Variants in DRGX observed in about 807,000 individuals in gnomAD.
The protein encoded by DRGX is dorsal root ganglia homeobox.
A neutral mutation model predicts 28.6 loss-of-function variants in DRGX; 21 were observed. The observed-to-expected ratio is 0.73, with a 90% CI of 0.52 to 1.06. DRGX has a LOEUF of 1.06. Among genes scored for constraint, DRGX ranks in the 50% least tolerant of loss-of-function variants. The pLI, the probability that DRGX is intolerant of heterozygous loss-of-function variation, is 0.00. For missense variants in DRGX, 354 were observed against 343.9 expected, an observed-to-expected ratio of 1.03 and a Z score of -0.23; for synonymous variants, 136 against 139.1, an observed-to-expected ratio of 0.98 and a Z score of 0.16.
chr10:49,372,689 G>A (rs903658912), intron 6 of DRGX, among the ~76,000 whole-genome samples: 6 of 152,158 alleles, frequency 3.9e-5, no homozygotes, highest in Non-Finnish European at 8.8e-5. Flanking sequence ...CACGAGACCT[G>A]CAACAGTACT....
intron 6 of DRGX, among the ~76,000 whole-genome samples, chr10:49,374,260 C>T (rs1336744668): frequency 6.6e-6 from 1 of 152,180 alleles, no homozygotes; most frequent in Admixed American, 6.5e-5. Flanking sequence ...CTTCATCACC[C>T]AGTGAAGACT....
Position 49,366,336 on chromosome 10 carries a change from G to C in DRGX, c.572C>G (p.Ser191Cys). 1 of 1,613,900 alleles carries C rather than the reference G, an allele frequency of 6.2e-7. No homozygotes were observed. Residue 191 changes from serine (S) to cysteine (C), a missense_variant, in exon 7 of 7, where the codon TCC (serine) becomes TGC (cysteine). Ser to Cys is a moderately radical substitution (Grantham distance 112, BLOSUM62 -1). Coordinates refer to ENST00000374139, the MANE Select transcript of DRGX (RefSeq NM_001276451.2). ...SCCVPDPMGL[S>C]FLPTYGCQSN... is the part of the protein sequence containing the mutation. ...CTGGCAGCCATAGGTGGGAAGGAAG[G>C]AGAGTCCCATGGGGTCTGGGACGCA...
chr10:49,387,076 G>A lies in DRGX; in HGVS notation c.235-218C>T, dbSNP rs372128873. 3.3e-5 allele frequency among the ~76,000 whole-genome samples: 5 copies of A among 152,334 alleles called. 1 individual carries two copies. Among genetic ancestry groups the A allele is most frequent in the South Asian group, 2.1e-4 (1 of 4,830 alleles). ...GAATGTTAAATAATGGAAAGTATCCGAATGCCCATAGTAAGGGTAAAAGCA... is the reference window on the plus strand; with the variant it reads ...GAATGTTAAATAATGGAAAGTATCCAAATGCCCATAGTAAGGGTAAAAGCA... On this transcript the variant is annotated intron_variant, in intron 4 of 6. Transcript: ENST00000374139.
At chr10:49,385,672 C>T (rs927826594) in intron 6 of DRGX, among the ~76,000 whole-genome samples, 6 of 152,064 alleles carry the variant, frequency 3.9e-5, no homozygotes, top group Non-Finnish European at 5.9e-5. Context: ...GCAGGGGACA[C>T]CCTAAGGGTG....
At chr10:49,389,233 C>G (rs1849872511) in intron 4 of DRGX, among the ~76,000 whole-genome samples, 1 of 152,158 alleles carries the variant, frequency 6.6e-6, no homozygotes, top group Non-Finnish European at 1.5e-5. Context: ...TTACAACCCC[C>G]AATTTACTGC....
At position 49,390,225 on chromosome 10, in the gene DRGX, G is replaced by A; in HGVS notation, c.142C>T (p.Leu48Phe). 6.2e-7 allele frequency: 1 copy of A among 1,610,694 alleles called. No individual in the cohort carries two copies. The highest frequency in any genetic ancestry group is 2.2e-5 in the East Asian group (1 of 44,854). The change falls in exon 4 of 7, where the codon CTC becomes TTC. Residue 48 changes from leucine (L) to phenylalanine (F), a missense_variant. Coordinates refer to ENST00000374139, the MANE Select transcript of DRGX (RefSeq NM_001276451.2). ...TGTGTTTGGGCAAAAACGGCCTCGA[G>A]AGCTTCCAGCTGGTAAAAGGAAAAA... Reference protein sequence around the residue: ...TTFTLQQLEALEAVFAQTHYP... With the variant: ...TTFTLQQLEAFEAVFAQTHYP...
In DRGX at chr10:49,366,268, G is replaced by A. The variant is rs370735058; in HGVS notation, c.640C>T (p.Arg214Cys). ...TGCAGGACAGCTTCTGAGTGCTCGC[G>A]GGCCTTCATGCGCAGGGTGGCCACG... ...ASVATLRMKA[R>C]EHSEAVLQSA... is the part of the protein sequence containing the mutation. The change falls in exon 7 of 7, where the codon CGC becomes TGC. Residue 214 changes from arginine to cysteine, a missense_variant. Arg to Cys is a radical substitution (Grantham distance 180). Coordinates refer to ENST00000374139, the MANE Select transcript of DRGX (RefSeq NM_001276451.2). The A allele has an allele frequency of 3.0e-5, 48 of 1,613,792 alleles. 1 individual carries two copies. The highest frequency in any genetic ancestry group is 4.5e-5 in the East Asian group (2 of 44,896).
In DRGX at chr10:49,386,467, C is replaced by T; in HGVS notation, c.526+11G>A. 1 of 1,544,728 alleles carries T rather than the reference C, an allele frequency of 6.5e-7. No individual in the cohort carries two copies. Among genetic ancestry groups the T allele is most frequent in the East Asian group, 2.4e-5 (1 of 41,686 alleles). On this transcript the variant is annotated intron_variant, in intron 6 of 6. Coordinates refer to ENST00000374139, the MANE Select transcript of DRGX (RefSeq NM_001276451.2). ...GGCCACGCCCACCAGCCCAGCCGAA[C>T]CCAAACTCACCTTTGAGGGAAGCCA... is the stretch of plus-strand genomic sequence containing the variant.
Position 49,366,030 on chromosome 10 carries a change from T to C in DRGX, c.*86A>G. 6.9e-7 allele frequency: 1 copy of C among 1,449,122 alleles called. No individual in the cohort carries two copies. The highest frequency in any genetic ancestry group is 9.1e-7 in the Non-Finnish European group (1 of 1,099,442). 89.8% of individuals were successfully genotyped at this position (1,449,122 alleles called of 1,614,324 possible). On this transcript the variant is annotated 3_prime_UTR_variant, in exon 7 of 7. Coordinates refer to ENST00000374139, the MANE Select transcript of DRGX (RefSeq NM_001276451.2). ...AGGCCCTGGGGCCGCAGGCTTCTCC[T>C]TGCTATTTGGAGAGTTTTCTGTAGG...
Position 49,378,346 on chromosome 10 carries a change from C to T in DRGX, c.526+8132G>A, listed in dbSNP as rs574424272. Reference sequence around the variant, plus strand: ...CAGGTCACACACACCACATATTGCACGATTCCATTCACATGAGATGTCCAC... The same window carrying T: ...CAGGTCACACACACCACATATTGCATGATTCCATTCACATGAGATGTCCAC... On this transcript the variant is annotated intron_variant, in intron 6 of 6. Coordinates refer to ENST00000374139, the MANE Select transcript of DRGX (RefSeq NM_001276451.2). Among the ~76,000 whole-genome samples, 5 of 152,260 alleles carry T rather than the reference C, an allele frequency of 3.3e-5. No individual in the cohort carries two copies. The East Asian group carries it at 5.8e-4, about 18-fold the overall frequency.
intron 2 of DRGX, among the ~76,000 whole-genome samples, chr10:49,394,471 C>A (rs1849944030): frequency 6.6e-6 from 1 of 152,206 alleles, no homozygotes; most frequent in Non-Finnish European, 1.5e-5. Context: ...TTGCCAAATG[C>A]CAGTCCGACG....
At chr10:49,391,373 T>C (rs561672623) in intron 2 of DRGX, 112 bp from the exon 3 acceptor site, 1 of 785,430 alleles carries the variant, frequency 1.3e-6, no homozygotes, top group South Asian at 1.5e-5. Flanking sequence ...AAGCCCTGTT[T>C]GTCCCAAAGG....
At chr10:49,391,860 A>G (rs777847093) in intron 2 of DRGX, 9 of 524,644 alleles carry the variant, frequency 1.7e-5, no homozygotes, top group Non-Finnish European at 2.4e-5. Context: ...CATCAGCACC[A>G]TAGTGGATCT....
At chr10:49,378,055 CA>C (rs1210616446) in intron 6 of DRGX, among the ~76,000 whole-genome samples, 1 of 151,722 alleles carries the variant, frequency 6.6e-6, no homozygotes, top group Non-Finnish European at 1.5e-5. Flanking sequence ...GTTGTTTTAA[CA>C]TTTAAAAAAA....
chr10:49,390,979 G>C (rs1035549329), intron 3 of DRGX, among the ~76,000 whole-genome samples, 185 bp downstream of exon 3: 3 of 152,192 alleles, frequency 2.0e-5, no homozygotes, highest in South Asian at 2.1e-4. Flanking sequence ...GGGATTACAA[G>C]GTTAGCGTCA....
chr10:49,369,836 G>T (rs1218872391), intron 6 of DRGX, among the ~76,000 whole-genome samples: 1 of 151,936 alleles, frequency 6.6e-6, no homozygotes, highest in Non-Finnish European at 1.5e-5. Flanking sequence ...CCAGGAAGAT[G>T]AAGTGCACAC....
At chr10:49,385,165 C>T (rs1296552119) in intron 6 of DRGX, among the ~76,000 whole-genome samples, 2 of 152,132 alleles carry the variant, frequency 1.3e-5, no homozygotes, top group East Asian at 3.9e-4. Context: ...GAGTGGGGGG[C>T]TTCTATGTGG....
intron 2 of DRGX, chr10:49,391,730 G>A (rs1282815715): frequency 4.3e-6 from 2 of 468,732 alleles, no homozygotes; most frequent in South Asian, 1.6e-5. Flanking sequence ...TGGGGGTTAG[G>A]AGAGGCTGGG....
At chr10:49,389,487 C>G (rs1849875810) in intron 4 of DRGX, among the ~76,000 whole-genome samples, 1 of 152,214 alleles carries the variant, frequency 6.6e-6, no homozygotes, top group African/African-American at 2.4e-5. Flanking sequence ...TCCTCTCGCA[C>G]TTGGGCACAT....
Sources: gnomAD v4.1 joint callset for allele counts (sites outside exome capture counted in the v4.1 genomes callset) on GRCh38, gnomAD v4.1.1 for gene constraint, MANE v1.5 for transcripts, NCBI Gene and HGNC (gene_info 2026-07-23, HGNC 2026-07-21) for gene names.